The following LRP1B variants were observed in gnomAD, a reference collection of about 807,000 sequenced individuals.
LRP1B encodes the protein low-density lipoprotein receptor-related protein 1B.
In LRP1B, 217 loss-of-function variants were observed where a neutral mutation model predicts 556.6. The ratio of observed to expected loss-of-function variants is 0.39; its 90% confidence interval spans 0.35 to 0.44. The LOEUF (loss-of-function observed/expected upper bound fraction) is 0.44. Ranked by LOEUF, LRP1B falls within the 20% of genes least tolerant of loss-of-function variation. The pLI, the probability that LRP1B is intolerant of heterozygous loss-of-function variation, is 1.00. For synonymous variants in LRP1B, 2,047 were observed against 1,865.8 expected (o/e 1.10, Z -2.50); for missense variants, 5,053 against 5,620.8 (o/e 0.90, Z 3.23).
chr2:140,900,392 A>T (rs1378180962), intron 23 of LRP1B, among the ~76,000 whole-genome samples: 1 of 152,220 alleles, frequency 6.6e-6, no homozygotes, highest in African/African-American at 2.4e-5. Flanking sequence ...GAATGAAATG[A>T]CTATTACCAT....
chr2:141,314,920 A>G (rs1051947321), intron 3 of LRP1B, among the ~76,000 whole-genome samples: 24 of 146,938 alleles, frequency 1.6e-4, no homozygotes, highest in African/African-American at 5.5e-4. Context: ...ACACATATAT[A>G]TATGTATAGG....
chr2:140,775,591 A>G (rs1689467451), intron 33 of LRP1B, among the ~76,000 whole-genome samples: 1 of 149,764 alleles, frequency 6.7e-6, no homozygotes, highest in African/African-American at 2.5e-5. Context: ...TCCATTTGCC[A>G]TTTGGGTAGT....
At chr2:140,771,234 T>C (rs1296317130) in intron 33 of LRP1B, among the ~76,000 whole-genome samples, 1 of 152,090 alleles carries the variant, frequency 6.6e-6, no homozygotes, top group Non-Finnish European at 1.5e-5. Context: ...AGATTAATAG[T>C]TACAGAAAAG....
At chr2:140,316,546 ACTCT>A (rs1181798047) in intron 82 of LRP1B, among the ~76,000 whole-genome samples, 3 of 151,928 alleles carry the variant, frequency 2.0e-5, no homozygotes, top group Non-Finnish European at 4.4e-5. Context: ...AATATGAATA[ACTCT>A]CTCATGACGT....
rs563173871 is a variant in LRP1B, at chr2:141,850,375, G to C, written c.83-39974C>G. ...TTTGTGATCTTTGCTTTGTGACATA[G>C]ATAGTATTCTTTAGAGATTTTATTT... On this transcript the variant is annotated intron_variant, in intron 1 of 90. Transcript: ENST00000389484. 6.6e-5 allele frequency among the ~76,000 whole-genome samples: 10 copies of C among 151,712 alleles called. No individual in the cohort carries two copies. The South Asian group carries it at 2.1e-3, about 31-fold the overall frequency.
At chr2:140,567,710 T>A (rs1357192985) in intron 43 of LRP1B, among the ~76,000 whole-genome samples, 2 of 152,170 alleles carry the variant, frequency 1.3e-5, no homozygotes, top group African/African-American at 4.8e-5. Flanking sequence ...CCACAGTTGC[T>A]TGTCGCCTAT....
intron 3 of LRP1B, among the ~76,000 whole-genome samples, chr2:141,380,891 T>TCTA (rs1347222794): frequency 6.6e-6 from 1 of 152,072 alleles, no homozygotes; most frequent in East Asian, 1.9e-4. Context: ...AGCTCAAAGG[T>TCTA]GGGAGGCATC....
intron 45 of LRP1B, among the ~76,000 whole-genome samples, chr2:140,538,583 C>A (rs1680017548): frequency 1.3e-5 from 2 of 151,884 alleles, no homozygotes; most frequent in Admixed American, 1.3e-4. Flanking sequence ...TCTCTTGGTG[C>A]AGTCTAAACT....
chr2:140,340,937 A>G (rs938804759), intron 77 of LRP1B, among the ~76,000 whole-genome samples: 2 of 151,530 alleles, frequency 1.3e-5, no homozygotes, highest in Non-Finnish European at 3.0e-5. Context: ...TTTGCAACCA[A>G]AAGGAATTGA....
At chr2:141,437,364 T>C (rs6726240) in intron 3 of LRP1B, among the ~76,000 whole-genome samples, 43,062 of 151,686 alleles carry the variant, frequency 0.28, 6,298 homozygotes, top group South Asian at 0.37. Flanking sequence ...TTGAAGAGAT[T>C]AATAAGGGAC....
chr2:140,773,134 A>C (rs957840355), intron 33 of LRP1B, among the ~76,000 whole-genome samples: 1 of 152,022 alleles, frequency 6.6e-6, no homozygotes, highest in Admixed American at 6.6e-5. Context: ...AGAAGTAAAG[A>C]GAAATAGGTT....
At chr2:141,362,316 T>C (rs1023694658) in intron 3 of LRP1B, among the ~76,000 whole-genome samples, 93 of 152,340 alleles carry the variant, frequency 6.1e-4, no homozygotes, top group African/African-American at 2.2e-3. Flanking sequence ...ATTTACACTT[T>C]GGTTGGTAAT....
chr2:141,870,748 C>T (rs1353820614), intron 1 of LRP1B, among the ~76,000 whole-genome samples: 1 of 151,850 alleles, frequency 6.6e-6, no homozygotes, highest in Non-Finnish European at 1.5e-5. Flanking sequence ...GAAAACTTCT[C>T]TGTCATAGAA....
chr2:140,372,887 C>T (rs1281861132), intron 69 of LRP1B, 121 bp downstream of exon 69: 1 of 1,047,650 alleles, frequency 9.5e-7, no homozygotes, highest in Non-Finnish European at 1.4e-6. Flanking sequence ...TTTGCAGACC[C>T]TTTCTTAAAA....
chr2:141,376,265 C>A (rs1384815842), intron 3 of LRP1B, among the ~76,000 whole-genome samples: 1 of 152,150 alleles, frequency 6.6e-6, no homozygotes, highest in Non-Finnish European at 1.5e-5. Flanking sequence ...CAAGCCTGAG[C>A]CCCCAGTGAG....
intron 2 of LRP1B, among the ~76,000 whole-genome samples, chr2:141,607,070 G>C (rs1186109345): frequency 6.6e-6 from 1 of 150,484 alleles, no homozygotes; most frequent in African/African-American, 2.5e-5. Context: ...GAATACCTAA[G>C]CACTAGGTAT....
chr2:141,859,356 G>A (rs1489396286), intron 1 of LRP1B, among the ~76,000 whole-genome samples: 1 of 152,082 alleles, frequency 6.6e-6, no homozygotes, highest in Non-Finnish European at 1.5e-5. Flanking sequence ...TTTATAAAAG[G>A]CATTGGGCCA....
At chr2:140,938,042 C>T (rs1312362162) in intron 20 of LRP1B, among the ~76,000 whole-genome samples, 2 of 151,852 alleles carry the variant, frequency 1.3e-5, no homozygotes, top group Non-Finnish European at 2.9e-5. Flanking sequence ...TCTCAATCAA[C>T]ATCTCTAACA....
chr2:140,395,938 G>A (rs991152551), intron 66 of LRP1B, among the ~76,000 whole-genome samples: 1 of 152,116 alleles, frequency 6.6e-6, no homozygotes, highest in African/African-American at 2.4e-5. Context: ...AAGTGAGTGG[G>A]GGGGAAGGGG....
Sources: allele counts gnomAD v4.1 joint callset (sites outside exome capture counted in the v4.1 genomes callset), GRCh38; gene constraint gnomAD v4.1.1; transcripts MANE v1.5; gene names NCBI Gene and HGNC (gene_info 2026-07-23, HGNC 2026-07-21).